URI1: variants seen among roughly 807,000 people sequenced by gnomAD.
URI1 encodes the protein URI1 prefoldin like chaperone, also known as unconventional prefoldin RPB5 interactor 1.
A neutral mutation model predicts 60.2 loss-of-function variants in URI1; 39 were observed. The observed-to-expected ratio is 0.65, with a 90% CI of 0.50 to 0.85. The LOEUF is 0.85. Ranked by LOEUF, URI1 falls within the 40% of genes least tolerant of loss-of-function variation. The pLI is 0.00. For synonymous variants in URI1, 251 were observed against 236.8 expected, an observed-to-expected ratio of 1.06 and a Z score of -0.55; for missense variants, 691 against 665.9, an observed-to-expected ratio of 1.04 and a Z score of -0.42.
At chr19:29,925,203 G>C (rs2054855593) in intron 1 of URI1, among the ~76,000 whole-genome samples, 1 of 152,228 alleles carries the variant, frequency 6.6e-6, no homozygotes, top group South Asian at 2.1e-4. Context: ...GCAGCTACAA[G>C]GCCCGCACAT....
rs1568443871 is a variant in URI1 at position 30,005,385 on chromosome 19, T to TA, written c.399dup (p.Val134SerfsTer6). ...GATGTAAGAAAAACAATAGATGACTTAAAAAAAGTGATGAAAAATTTTGAA... is the reference window on the plus strand; with the variant it reads ...GATGTAAGAAAAACAATAGATGACTTAAAAAAAAGTGATGAAAAATTTTGAA... On this transcript the variant is annotated frameshift_variant, in exon 5 of 11. Transcript: ENST00000392271. LOFTEE classifies it high-confidence loss of function. 3 of 1,600,674 alleles carry TA rather than the reference T, an allele frequency of 1.9e-6. No individual in the cohort carries two copies. The highest frequency in any genetic ancestry group is 1.1e-5 in the South Asian group (1 of 88,468).
chr19:30,000,909 C>T (rs2145419802), intron 4 of URI1, among the ~76,000 whole-genome samples: 2 of 151,856 alleles, frequency 1.3e-5, no homozygotes, highest in South Asian at 4.1e-4. Context: ...GAAGTGATTT[C>T]TTCTGCATAC....
chr19:29,932,785 G>T (rs896510210), intron 1 of URI1, among the ~76,000 whole-genome samples: 3 of 151,656 alleles, frequency 2.0e-5, no homozygotes, highest in Non-Finnish European at 4.4e-5. Context: ...CTGAGTAGCT[G>T]GGATTGCAGG....
chr19:29,977,148 T>C (rs1455649235), intron 2 of URI1, among the ~76,000 whole-genome samples: 3 of 151,884 alleles, frequency 2.0e-5, no homozygotes, highest in Non-Finnish European at 2.9e-5. Flanking sequence ...TTTTTTTTTT[T>C]CCTGTTGGAG....
chr19:29,933,730 G>A (rs1345545308), intron 1 of URI1, among the ~76,000 whole-genome samples: 1 of 151,626 alleles, frequency 6.6e-6, no homozygotes, highest in Non-Finnish European at 1.5e-5. Context: ...GCCGAGGCAG[G>A]AGCATTGCTA....
At chr19:30,001,502 A>G (rs2055877794) in intron 4 of URI1, among the ~76,000 whole-genome samples, 1 of 151,814 alleles carries the variant, frequency 6.6e-6, no homozygotes, top group African/African-American at 2.4e-5. Context: ...ATTCCCTACC[A>G]TCTCTACAAA....
At chr19:29,929,429 T>C (rs912853085) in intron 1 of URI1, among the ~76,000 whole-genome samples, 1 of 152,042 alleles carries the variant, frequency 6.6e-6, no homozygotes, top group Non-Finnish European at 1.5e-5. Context: ...AAACCCCATC[T>C]CTACTAAAAA....
At chr19:29,990,281 C>G (rs953214517) in intron 4 of URI1, among the ~76,000 whole-genome samples, 1 of 152,188 alleles carries the variant, frequency 6.6e-6, no homozygotes, top group Non-Finnish European at 1.5e-5. Flanking sequence ...TTGGAACCCT[C>G]ATTCATTGCT....
At chr19:29,980,894 G>T (rs1490400019) in intron 2 of URI1, among the ~76,000 whole-genome samples, 5 of 145,970 alleles carry the variant, frequency 3.4e-5, no homozygotes, top group African/African-American at 1.3e-4. Context: ...GGCACTCCAG[G>T]CTGGGTGAAA....
chr19:29,926,512 C>T (rs2054869749), intron 1 of URI1, among the ~76,000 whole-genome samples: 1 of 152,040 alleles, frequency 6.6e-6, no homozygotes, highest in African/African-American at 2.4e-5. Context: ...GAACTCCTTC[C>T]CTCAAGTGAT....
chr19:29,942,600 C>T lies in URI1; in HGVS notation c.53C>T (p.Pro18Leu). The T allele has an allele frequency of 2.1e-6, 3 of 1,455,968 alleles. No individual in the cohort carries two copies. The highest frequency in any genetic ancestry group is 1.5e-5 in the African/African-American group (1 of 67,782). The allele number at this position is 1,455,968 out of a possible 1,614,324, so 90.2% of individuals were successfully genotyped here. ...CCCGACCCCTCGCCCCCTTCGGCCCCGGCCCCTGCCCTGGTTCCGTTGCGC... is the reference window on the plus strand; with the variant it reads ...CCCGACCCCTCGCCCCCTTCGGCCCTGGCCCCTGCCCTGGTTCCGTTGCGC... Reference protein sequence around the residue: ...TPPDPSPPSAPAPALVPLRAP... With the variant: ...TPPDPSPPSALAPALVPLRAP... Residue 18 changes from proline to leucine, a missense_variant, in exon 1 of 11, where the codon CCG (proline) becomes CTG (leucine). Physicochemically the swap from Pro to Leu is moderately conservative, Grantham distance 98. Coordinates refer to ENST00000392271, the MANE Select transcript of URI1 (RefSeq NM_003796.3).
chr19:29,988,454 C>T (rs1372779790), intron 4 of URI1, among the ~76,000 whole-genome samples: 1 of 152,180 alleles, frequency 6.6e-6, no homozygotes, highest in East Asian at 1.9e-4. Context: ...CAGGACTCAG[C>T]TCCTATCAAA....
chr19:29,976,493 G>T (rs1294450365), intron 2 of URI1, among the ~76,000 whole-genome samples: 1 of 152,192 alleles, frequency 6.6e-6, no homozygotes, highest in Non-Finnish European at 1.5e-5. Context: ...AATGGAAGCT[G>T]CAAGGCCACG....
At chr19:29,932,837 G>C (rs1032214246) in intron 1 of URI1, among the ~76,000 whole-genome samples, 2 of 150,260 alleles carry the variant, frequency 1.3e-5, no homozygotes, top group Non-Finnish European at 3.0e-5. Context: ...ATTTTTAGTA[G>C]AGACAGAATT....
chr19:29,925,550 T>C (rs919666447), intron 1 of URI1: 28 of 152,256 alleles, frequency 1.8e-4, no homozygotes, highest in African/African-American at 6.8e-4. Context: ...TGTGAGGTTT[T>C]AATGAATGAA....
intron 1 of URI1, among the ~76,000 whole-genome samples, chr19:29,944,005 G>A (rs1381066662): frequency 6.7e-6 from 1 of 150,160 alleles, no homozygotes; most frequent in Non-Finnish European, 1.5e-5. Flanking sequence ...GGGCCATGGT[G>A]GTGCACGCTT....
intron 2 of URI1, among the ~76,000 whole-genome samples, chr19:29,976,098 C>T (rs1024607997): frequency 6.6e-6 from 1 of 151,168 alleles, no homozygotes; most frequent in African/African-American, 2.5e-5. Flanking sequence ...CTAAATGAGA[C>T]CTGGAACTAT....
intron 4 of URI1, 100 bp from the exon 5 acceptor site, chr19:30,005,261 T>G: frequency 3.1e-6 from 2 of 650,138 alleles, no homozygotes; most frequent in East Asian, 2.9e-5. Context: ...AAAGCATTAC[T>G]GTTAAATCAT....
chr19:30,009,232 AT>A lies in URI1; in HGVS notation c.915del (p.Asp305GlufsTer21). 6.2e-7 allele frequency: 1 copy of A among 1,612,754 alleles called. No individual in the cohort carries two copies. The highest frequency in any genetic ancestry group is 8.5e-7 in the Non-Finnish European group (1 of 1,179,094). On this transcript the variant is annotated frameshift_variant, in exon 8 of 11. Transcript: ENST00000392271. LOFTEE classifies it high-confidence loss of function. ...CACAGTGATGATGATGATGATGATG[AT>A]GATGACGACGACGACGACAACATTG... ...SYHSDDDDDD[D>X]DDDDDDNIDD...
Sources: allele counts gnomAD v4.1 joint callset (sites outside exome capture counted in the v4.1 genomes callset), GRCh38; gene constraint gnomAD v4.1.1; transcripts MANE v1.5; gene names NCBI Gene and HGNC (gene_info 2026-07-23, HGNC 2026-07-21).